Variants in FRMPD1 observed in about 807,000 individuals in gnomAD.
FRMPD1 encodes FERM and PDZ domain containing 1, also known as FERM and PDZ domain-containing protein 1.
A neutral mutation model predicts 117.8 loss-of-function variants in FRMPD1; 76 were observed. The observed-to-expected ratio is 0.65, with a 90% CI of 0.54 to 0.78. The LOEUF (loss-of-function observed/expected upper bound fraction) is 0.78. Ranked by LOEUF, FRMPD1 falls within the 30% of genes least tolerant of loss-of-function variation. FRMPD1 has a pLI of 0.00. For missense variants in FRMPD1, 1,786 were observed against 1,964.5 expected, an observed-to-expected ratio of 0.91 and a Z score of 1.72; for synonymous variants, 783 against 770.4, an observed-to-expected ratio of 1.02 and a Z score of -0.27.
chr9:37,653,146 A>G (rs1239489203), intron 1 of FRMPD1, among the ~76,000 whole-genome samples: 1 of 152,126 alleles, frequency 6.6e-6, no homozygotes, highest in Non-Finnish European at 1.5e-5. Context: ...CTGGGCTGGA[A>G]TCCTCGCTGG....
Position 37,720,521 on chromosome 9 carries a change from C to T in FRMPD1, c.516+1345C>T, listed in dbSNP as rs113506771. ...CTATTAAAAAATACAAAAAATTAGC[C>T]GGGCGTGGTGGTGGGCACCTGTATG... is the stretch of plus-strand genomic sequence containing the variant. On this transcript the variant is annotated intron_variant, in intron 6 of 15. Coordinates refer to ENST00000377765, the MANE Select transcript of FRMPD1 (RefSeq NM_014907.3). 9.9e-3 allele frequency among the ~76,000 whole-genome samples: 1,512 copies of T among 152,242 alleles called. 12 individuals are homozygous for T. Among genetic ancestry groups the T allele is most frequent in the South Asian group, 0.017 (84 of 4,826 alleles).
intron 7 of FRMPD1, among the ~76,000 whole-genome samples, chr9:37,726,902 G>A (rs1483268986): frequency 2.6e-5 from 4 of 152,078 alleles, no homozygotes; most frequent in Admixed American, 6.5e-5. Flanking sequence ...CTTCCAGCTG[G>A]GTGCCAAATA....
intron 2 of FRMPD1, among the ~76,000 whole-genome samples, chr9:37,701,921 C>G (rs954203726): frequency 6.6e-6 from 1 of 151,998 alleles, no homozygotes; most frequent in Non-Finnish European, 1.5e-5. Context: ...AGAAATGGAC[C>G]CTTTTTGAGA....
the FRMPD1 span, among the ~76,000 whole-genome samples, chr9:37,607,131 G>A: frequency 0.4 from 61,022 of 151,708 alleles, 12,954 homozygotes; most frequent in African/African-American, 0.54. Context: ...CCTGGCCAAC[G>A]TGGAGAAATC....
chr9:37,716,219 C>T (rs1237952779), intron 5 of FRMPD1, among the ~76,000 whole-genome samples: 1 of 152,194 alleles, frequency 6.6e-6, no homozygotes, highest in African/African-American at 2.4e-5. Context: ...TGGTGACCAA[C>T]TAAATACTGA....
At chr9:37,708,367 T>C (rs749097936) in intron 3 of FRMPD1, 32 bp from the exon 4 acceptor site, 1 of 1,335,614 alleles carries the variant, frequency 7.5e-7, no homozygotes, top group Non-Finnish European at 1.1e-6. Context: ...CCTCCCGGCA[T>C]GAGCACCAAT....
Position 37,746,033 on chromosome 9 carries a change from G to T in FRMPD1, c.4001G>T (p.Cys1334Phe), listed in dbSNP as rs1294364517. 1 of 1,614,098 alleles carries T rather than the reference G, an allele frequency of 6.2e-7. No individual in the cohort carries two copies. Among genetic ancestry groups the T allele is most frequent in the Non-Finnish European group, 8.5e-7 (1 of 1,180,040 alleles). Reference protein sequence around the residue: ...MVAPRIGMDQCSCQFSYATCF... With the variant: ...MVAPRIGMDQFSCQFSYATCF... ...GCTCCCAGGATAGGGATGGACCAGT[G>T]CAGCTGTCAGTTCTCCTATGCCACA... is the stretch of plus-strand genomic sequence containing the variant. Residue 1334 changes from cysteine (C) to phenylalanine (F), a missense_variant, in exon 16 of 16, where the codon TGC (cysteine) becomes TTC (phenylalanine). Cys to Phe is a radical substitution (Grantham distance 205). Coordinates refer to ENST00000377765, the MANE Select transcript of FRMPD1 (RefSeq NM_014907.3).
chr9:37,608,371 TCTTTC>T, the FRMPD1 span, among the ~76,000 whole-genome samples: 2 of 122,554 alleles, frequency 1.6e-5, no homozygotes, highest in South Asian at 2.8e-4. Flanking sequence ...TTCTTTCTCT[TCTTTC>T]TCTTTCTTTC....
the FRMPD1 span, among the ~76,000 whole-genome samples, chr9:37,607,456 A>AG: frequency 0.034 from 5,181 of 152,288 alleles, 283 homozygotes; most frequent in African/African-American, 0.12. Flanking sequence ...AACAAGGATT[A>AG]GGGGAAAAAG....
the FRMPD1 span, among the ~76,000 whole-genome samples, chr9:37,631,525 G>A: frequency 0.1 from 15,746 of 152,290 alleles, 997 homozygotes; most frequent in Middle Eastern, 0.15. Flanking sequence ...ACTCTAAAGC[G>A]TTTCCAATGT....
chr9:37,608,758 T>C, the FRMPD1 span, among the ~76,000 whole-genome samples: 1 of 152,198 alleles, frequency 6.6e-6, no homozygotes, highest in Non-Finnish European at 1.5e-5. Context: ...TAAGAGTATT[T>C]AAATTTCAAT....
chr9:37,721,434 C>A (rs1395199773), intron 6 of FRMPD1, among the ~76,000 whole-genome samples: 2 of 152,148 alleles, frequency 1.3e-5, no homozygotes, highest in Non-Finnish European at 2.9e-5. Flanking sequence ...ACTTTGCTCA[C>A]AGTTAAACAA....
At chr9:37,641,134 C>T in the FRMPD1 span, among the ~76,000 whole-genome samples, 1 of 152,154 alleles carries the variant, frequency 6.6e-6, no homozygotes, top group Non-Finnish European at 1.5e-5. Flanking sequence ...GTGATCTGCC[C>T]ACCGCAGCCT....
chr9:37,715,520 C>G, intron 5 of FRMPD1: 1 of 412,206 alleles, frequency 2.4e-6, no homozygotes, highest in Non-Finnish European at 4.8e-6. Flanking sequence ...AACATTAACT[C>G]TTAGTTCAGC....
At chr9:37,727,208 A>C (rs1399609859) in intron 7 of FRMPD1, among the ~76,000 whole-genome samples, 1 of 152,148 alleles carries the variant, frequency 6.6e-6, no homozygotes, top group Non-Finnish European at 1.5e-5. Context: ...ATCAAGAGCC[A>C]CTGAACGTTC....
the FRMPD1 span, among the ~76,000 whole-genome samples, chr9:37,621,867 C>T: frequency 3.9e-5 from 6 of 152,116 alleles, no homozygotes; most frequent in South Asian, 4.2e-4. Context: ...AACTTCCTGC[C>T]GAACAGGATG....
intron 1 of FRMPD1, among the ~76,000 whole-genome samples, chr9:37,671,234 A>G (rs1274328053): frequency 6.6e-6 from 1 of 152,224 alleles, no homozygotes; most frequent in African/African-American, 2.4e-5. Flanking sequence ...ACTTTGTTAA[A>G]GTGCCTAAAT....
chr9:37,700,795 A>G (rs1458288758), intron 2 of FRMPD1, among the ~76,000 whole-genome samples: 1 of 152,216 alleles, frequency 6.6e-6, no homozygotes, highest in African/African-American at 2.4e-5. Context: ...TAGTGTAACT[A>G]TAGGGCTTCT....
At chr9:37,623,339 A>C in the FRMPD1 span, among the ~76,000 whole-genome samples, 1 of 152,238 alleles carries the variant, frequency 6.6e-6, no homozygotes, top group Non-Finnish European at 1.5e-5. Flanking sequence ...TGAGAAGTTC[A>C]ATGTGCCAAG....
Sources: allele counts gnomAD v4.1 joint callset (sites outside exome capture counted in the v4.1 genomes callset), GRCh38; gene constraint gnomAD v4.1.1; transcripts MANE v1.5; gene names NCBI Gene and HGNC (gene_info 2026-07-23, HGNC 2026-07-21).